SMYD3: variants seen among roughly 807,000 people sequenced by gnomAD.
SMYD3 encodes histone-lysine N-methyltransferase SMYD3.
In SMYD3, 36 loss-of-function variants were observed where a neutral mutation model predicts 57.7. That is an observed-to-expected ratio of 0.62 (90% confidence interval 0.48 to 0.82). The LOEUF is 0.82. SMYD3 is among the 40% of genes least tolerant of loss of function. The pLI, the probability that SMYD3 is intolerant of heterozygous loss-of-function variation, is 0.00. For synonymous variants in SMYD3, 211 were observed against 195.0 expected, an observed-to-expected ratio of 1.08 and a Z score of -0.68; for missense variants, 515 against 538.8, an observed-to-expected ratio of 0.96 and a Z score of 0.44.
At chr1:246,414,413 T>A (rs1013316391) in intron 1 of SMYD3, among the ~76,000 whole-genome samples, 1 of 152,214 alleles carries the variant, frequency 6.6e-6, no homozygotes, top group East Asian at 1.9e-4. Context: ...ATCAGCCACA[T>A]GGGACACAGA....
chr1:246,237,495 C>T (rs72774483), intron 5 of SMYD3, among the ~76,000 whole-genome samples: 31,558 of 152,096 alleles, frequency 0.21, 3,991 homozygotes, highest in East Asian at 0.58. Flanking sequence ...GGCTTTGTAA[C>T]ATCTCTTCAG....
intron 10 of SMYD3, among the ~76,000 whole-genome samples, chr1:245,843,980 A>C (rs1398867628): frequency 1.3e-5 from 2 of 152,142 alleles, no homozygotes; most frequent in East Asian, 3.9e-4. Context: ...CCAACGATGG[A>C]GTGTTGGATG....
At chr1:246,419,760 A>G (rs2067115309) in intron 1 of SMYD3, among the ~76,000 whole-genome samples, 1 of 152,208 alleles carries the variant, frequency 6.6e-6, no homozygotes, top group African/African-American at 2.4e-5. Context: ...GCTCCTTATG[A>G]GAATCTAATA....
intron 1 of SMYD3, 112 bp downstream of exon 1, chr1:246,506,942 T>C (rs2068550197): frequency 5.9e-6 from 6 of 1,020,746 alleles, no homozygotes; most frequent in Admixed American, 4.1e-5. Context: ...CCAAGCTGCC[T>C]GTGCAGCCCC....
chr1:246,119,344 C>T (rs760155644), intron 5 of SMYD3, among the ~76,000 whole-genome samples: 12 of 151,908 alleles, frequency 7.9e-5, no homozygotes, highest in Admixed American at 4.6e-4. Flanking sequence ...CTTTCTGCCA[C>T]TGTAGTTGGG....
Position 245,902,498 on chromosome 1 carries a change from G to A in SMYD3, c.813+13032C>T, listed in dbSNP as rs570848025. Among the ~76,000 whole-genome samples the A allele has an allele frequency of 3.3e-5, 5 of 152,282 alleles. No homozygotes were observed. In the South Asian group the frequency reaches 1.0e-3, roughly 32 times the overall value. The stretch of plus-strand genomic sequence containing the variant: ...ATGGCATCAAGGAAATTGAGGACAG[G>A]CCTGGGTCAACCCATCTCCAGTGGT... On this transcript the variant is annotated intron_variant, in intron 8 of 11. Coordinates refer to ENST00000490107, the MANE Select transcript of SMYD3 (RefSeq NM_001167740.2).
intron 5 of SMYD3, among the ~76,000 whole-genome samples, chr1:246,049,215 T>C (rs370055145): frequency 6.6e-6 from 1 of 152,164 alleles, no homozygotes. Context: ...CTGTGCTTCT[T>C]AGACTCTGCA....
intron 1 of SMYD3, among the ~76,000 whole-genome samples, chr1:246,500,075 C>CCTG (rs1026227152): frequency 1.3e-5 from 2 of 151,768 alleles, no homozygotes; most frequent in African/African-American, 2.4e-5. Flanking sequence ...GACACTGGGC[C>CCTG]CTGCTGCTGC....
intron 1 of SMYD3, among the ~76,000 whole-genome samples, chr1:246,481,400 C>T (rs1173831576): frequency 6.6e-6 from 1 of 150,604 alleles, no homozygotes; most frequent in Non-Finnish European, 1.5e-5. Flanking sequence ...CTGTGAGGGC[C>T]CAATTAGAAC....
intron 5 of SMYD3, among the ~76,000 whole-genome samples, chr1:246,221,987 G>T (rs966867095): frequency 5.9e-5 from 9 of 152,128 alleles, no homozygotes; most frequent in Non-Finnish European, 1.2e-4. Context: ...TTCACATAGG[G>T]TTGAATCTGC....
rs760671026 is a variant in SMYD3, at chr1:245,837,249, A to AAAAG, written c.1076+21246_1076+21247insCTTT. Among the ~76,000 whole-genome samples, 400 of 151,322 alleles carry AAAAG rather than the reference A, an allele frequency of 2.6e-3. 1 individual carries two copies. Among genetic ancestry groups the AAAAG allele is most frequent in the Non-Finnish European group, 3.4e-3 (231 of 67,872 alleles). On this transcript the variant is annotated intron_variant, in intron 10 of 11. Coordinates refer to ENST00000490107, the MANE Select transcript of SMYD3 (RefSeq NM_001167740.2). Reference sequence around the variant, plus strand: ...TGAGCCTCTGTCTCAAAAAAAAAAAAAAGAAGAAGAAGAAGAAGGAGAGGA... The same window carrying AAAAG: ...TGAGCCTCTGTCTCAAAAAAAAAAAAAAAGAAGAAGAAGAAGAAGAAGGAGAGGA...
intron 5 of SMYD3, among the ~76,000 whole-genome samples, chr1:245,980,111 G>A (rs2058559275): frequency 1.3e-5 from 2 of 152,190 alleles, no homozygotes; most frequent in Admixed American, 6.5e-5. Context: ...AGGGCACACT[G>A]GGAAGCCTGC....
chr1:246,368,168 T>TA (rs1264432869), intron 1 of SMYD3, among the ~76,000 whole-genome samples: 1 of 152,216 alleles, frequency 6.6e-6, no homozygotes, highest in Non-Finnish European at 1.5e-5. Flanking sequence ...ATTAAAAACT[T>TA]AGATATGGGT....
chr1:246,290,941 G>A (rs2064677681), intron 5 of SMYD3, among the ~76,000 whole-genome samples: 1 of 151,840 alleles, frequency 6.6e-6, no homozygotes, highest in Non-Finnish European at 1.5e-5. Flanking sequence ...TTTAAAACAT[G>A]CCAGTTTCAA....
chr1:245,921,897 G>A (rs1030685865), intron 7 of SMYD3, among the ~76,000 whole-genome samples: 4 of 152,060 alleles, frequency 2.6e-5, no homozygotes, highest in African/African-American at 9.7e-5. Context: ...CACTACCAGG[G>A]TGATGGGATT....
intron 5 of SMYD3, among the ~76,000 whole-genome samples, chr1:246,172,863 A>G (rs1250166294): frequency 6.8e-6 from 1 of 147,208 alleles, no homozygotes; most frequent in Non-Finnish European, 1.5e-5. Flanking sequence ...AACACTACAC[A>G]CTTAGGCTAC....
chr1:246,457,741 G>A (rs10924735), intron 1 of SMYD3, among the ~76,000 whole-genome samples: 37,344 of 151,898 alleles, frequency 0.25, 4,692 homozygotes, highest in Middle Eastern at 0.35. Flanking sequence ...CAAGCTGTGC[G>A]TACAGCAGAA....
At chr1:246,415,009 G>A (rs920674023) in intron 1 of SMYD3, among the ~76,000 whole-genome samples, 4 of 152,102 alleles carry the variant, frequency 2.6e-5, no homozygotes, top group African/African-American at 4.8e-5. Context: ...GAGCCACCGC[G>A]CCCGGCTGGA....
intron 5 of SMYD3, among the ~76,000 whole-genome samples, chr1:246,091,995 C>A (rs2060831185): frequency 6.6e-6 from 1 of 152,114 alleles, no homozygotes; most frequent in Non-Finnish European, 1.5e-5. Flanking sequence ...GATATGTCCT[C>A]TAGTCATTTA....
Sources: gnomAD v4.1 joint callset for allele counts (sites outside exome capture counted in the v4.1 genomes callset) on GRCh38, gnomAD v4.1.1 for gene constraint, MANE v1.5 for transcripts, NCBI Gene and HGNC (gene_info 2026-07-23, HGNC 2026-07-21) for gene names.